SLX4: variants seen among roughly 807,000 people sequenced by gnomAD.
The protein encoded by SLX4 is structure-specific endonuclease subunit SLX4.
Under a neutral mutation model 146.2 loss-of-function variants are expected in SLX4, and 112 were observed. That is an observed-to-expected ratio of 0.77 (90% CI 0.66 to 0.90). The LOEUF (loss-of-function observed/expected upper bound fraction) is 0.90, where lower values mean the gene tolerates loss of function less well. Ranked by LOEUF, SLX4 falls within the 40% of genes least tolerant of loss-of-function variation. The pLI is 0.00. For synonymous variants in SLX4, 1,061 were observed against 997.7 expected (o/e 1.06, Z -1.20); for missense variants, 2,563 against 2,392.7 (o/e 1.07, Z -1.49).
Position 3,596,064 on chromosome 16 carries a change from C to A in SLX4, c.1924+89G>T, listed in dbSNP as rs983487424. On this transcript the variant is annotated intron_variant, in intron 8 of 14. Coordinates refer to ENST00000294008, the MANE Select transcript of SLX4 (RefSeq NM_032444.4). ...CAGGTCAGAGCTGCCGTCGCGGCGG[C>A]ACAAGAGCCAGTCCATGGCAGCCTC... The A allele has an allele frequency of 8.7e-6, 13 of 1,488,696 alleles. No individual in the cohort carries two copies. The African/African-American group carries it at 1.7e-4, about 19-fold the overall frequency. 92.2% of individuals were successfully genotyped at this position (1,488,696 alleles called of 1,614,324 possible).
chr16:3,596,450 T>C, intron 7 of SLX4, 57 bp from the exon 8 acceptor site: 18 of 1,527,758 alleles, frequency 1.2e-5, no homozygotes, highest in Non-Finnish European at 1.6e-5. Context: ...ACGCACACAC[T>C]GCAGAAGCCA....
At chr16:3,588,319 G>A (rs1399822126) in intron 12 of SLX4, among the ~76,000 whole-genome samples, 1 of 152,196 alleles carries the variant, frequency 6.6e-6, no homozygotes, top group Non-Finnish European at 1.5e-5. Flanking sequence ...ATCCATGAGT[G>A]CAGACAGTAC....
rs2040439320 is a variant in SLX4, at chr16:3,581,840, T to C, written c.*502A>G. The C allele has an allele frequency of 5.7e-6, 1 of 174,768 alleles. No homozygotes were observed. The allele number at this position is 174,768 out of a possible 1,614,324, so 10.8% of individuals were successfully genotyped here. The stretch of plus-strand genomic sequence containing the variant: ...GGCGGATTGCCTGAGCTCTGGAGTT[T>C]GTGACCAGCCTGAGCAACATGGTGA... On this transcript the variant is annotated 3_prime_UTR_variant, in exon 15 of 15. Coordinates refer to ENST00000294008, the MANE Select transcript of SLX4 (RefSeq NM_032444.4).
At chr16:3,584,915 G>A (rs373299451) in intron 12 of SLX4, 44 bp from the exon 13 acceptor site, 21 of 1,338,446 alleles carry the variant, frequency 1.6e-5, no homozygotes, top group Admixed American at 5.0e-5. Context: ...TGAGGGACAC[G>A]GATTTCCCAC....
chr16:3,596,281 C>T lies in SLX4; in HGVS notation c.1796G>A (p.Gly599Asp). ...CCTCTGGCTGGCCGAAGGCGACGGG[C>T]CCCTGGAGCCACAGCCTGCAGTGGG... ...GTPTAGCGSR[G>D]PSPSASQREH... Residue 599 changes from glycine (G) to aspartate (D), a missense_variant, in exon 8 of 15, where the codon GGC (glycine) becomes GAC (aspartate). By Grantham distance (94) the Gly-to-Asp change is moderately conservative. Transcript: ENST00000294008. The T allele has an allele frequency of 1.3e-6, 2 of 1,568,240 alleles. No individual in the cohort carries two copies. Among genetic ancestry groups the T allele is most frequent in the Non-Finnish European group, 1.7e-6 (2 of 1,157,610 alleles).
At position 3,597,965 on chromosome 16, in the gene SLX4, C is replaced by T. The variant is rs777669744; in HGVS notation, c.1198G>A (p.Gly400Arg). The change falls in exon 6 of 15, where the codon GGA becomes AGA. Residue 400 changes from glycine to arginine, a missense_variant. By Grantham distance (125) the Gly-to-Arg change is moderately radical (BLOSUM62 -2). Coordinates refer to ENST00000294008, the MANE Select transcript of SLX4 (RefSeq NM_032444.4). This position sits in a 1 kb window ranked among gnomAD's most constrained non-coding sequence, Gnocchi z 4.4. ...CGTGGCTCCTTCTTGCTGGTGGGTCCTCTCCGTTTCAGACCTCTACTGTGA... is the reference window on the plus strand; with the variant it reads ...CGTGGCTCCTTCTTGCTGGTGGGTCTTCTCCGTTTCAGACCTCTACTGTGA... Reference protein sequence around the residue: ...SDHSRGLKRRGPTSKKEPRKR... With the variant: ...SDHSRGLKRRRPTSKKEPRKR... The T allele has an allele frequency of 1.9e-6, 3 of 1,614,168 alleles. No homozygotes were observed. The highest frequency in any genetic ancestry group is 2.5e-6 in the Non-Finnish European group (3 of 1,180,046).
At chr16:3,601,387 C>A (rs913487889) in intron 4 of SLX4, 196 bp from the exon 5 acceptor site, 3 of 622,532 alleles carry the variant, frequency 4.8e-6, no homozygotes, top group Non-Finnish European at 8.6e-6. Context: ...GCAAAGTTGG[C>A]TAAAGAAAGC....
intron 2 of SLX4, 47 bp downstream of exon 2, chr16:3,608,383 C>T (rs944506895): frequency 1.2e-6 from 2 of 1,608,294 alleles, no homozygotes; most frequent in African/African-American, 2.7e-5. Context: ...CGATCTGGCC[C>T]TTTCCAGGAA....
intron 3 of SLX4, 45 bp downstream of exon 3, chr16:3,606,429 T>C: frequency 6.3e-7 from 1 of 1,595,844 alleles, no homozygotes; most frequent in Admixed American, 1.7e-5. Flanking sequence ...CTCAGAGTTG[T>C]ATTAACTTAT....
At chr16:3,605,470 G>C (rs1397110045) in intron 3 of SLX4, among the ~76,000 whole-genome samples, 1 of 151,982 alleles carries the variant, frequency 6.6e-6, no homozygotes, top group Non-Finnish European at 1.5e-5. Context: ...TAGTCCTCCT[G>C]CCTTGGCCTC....
rs777527362 is a variant in SLX4, at chr16:3,591,027, C to T, written c.2611G>A (p.Ala871Thr). The T allele has an allele frequency of 6.2e-7, 1 of 1,614,212 alleles. No homozygotes were observed. Among genetic ancestry groups the T allele is most frequent in the South Asian group, 1.1e-5 (1 of 91,088 alleles). ...QRKLLQEERAAGAGEDADWLE... is the reference protein window; with the variant it reads ...QRKLLQEERATGAGEDADWLE... ...CAGTCAGCGTCCTCGCCGGCACCCG[C>T]TGCCCTTTCTTCCTGGAGAAGCTTT... is the stretch of plus-strand genomic sequence containing the variant. Residue 871 changes from alanine (A) to threonine (T), a missense_variant, in exon 12 of 15, where the codon GCG (alanine) becomes ACG (threonine). Coordinates refer to ENST00000294008, the MANE Select transcript of SLX4 (RefSeq NM_032444.4).
In SLX4 at chr16:3,590,008, G is replaced by A. The variant is rs1567169951; in HGVS notation, c.3630C>T (p.Ser1210=). Residue 1210 remains serine, a synonymous_variant, in exon 12 of 15, where the codon AGC becomes AGT. Coordinates refer to ENST00000294008, the MANE Select transcript of SLX4 (RefSeq NM_032444.4). The surrounding 1 kb of genome is among the most constrained non-coding windows in gnomAD (Gnocchi z 4.8). The part of the protein sequence containing the change: ...DQEPSQSPPR[S]EAVLQQEDEG... Reference sequence around the variant, plus strand: ...CATCCTCCTGCTGCAGCACAGCTTCGCTTCTTGGTGGGCTCTGGGAAGGTT... The same window carrying A: ...CATCCTCCTGCTGCAGCACAGCTTCACTTCTTGGTGGGCTCTGGGAAGGTT... 6.2e-6 allele frequency: 10 copies of A among 1,614,076 alleles called. No homozygotes were observed. Among genetic ancestry groups the A allele is most frequent in the South Asian group, 4.4e-5 (4 of 91,082 alleles).
rs750340019 is a variant in SLX4 at position 3,582,401 on chromosome 16, C to T, written c.5446G>A (p.Glu1816Lys). The part of the protein sequence containing the change: ...ITFTTAATRR[E>K]KLQGRRRQPR... The stretch of plus-strand genomic sequence containing the variant: ...TGCCGCCTCCTGCCCTGGAGCTTCT[C>T]CCTGCGGGTGGCGGCAGTGGTGAAG... The change falls in exon 15 of 15, where the codon GAG becomes AAG. Residue 1816 changes from glutamate (E) to lysine (K), a missense_variant. Transcript: ENST00000294008. 3.1e-6 allele frequency: 5 copies of T among 1,613,946 alleles called. No individual in the cohort carries two copies. The highest frequency in any genetic ancestry group is 1.7e-5 in the Admixed American group (1 of 60,032).
rs1156859426 is a variant in SLX4 at position 3,608,731 on chromosome 16, C to A, written c.234G>T (p.Lys78Asn). The A allele has an allele frequency of 1.2e-5, 20 of 1,614,218 alleles. No individual in the cohort carries two copies. The highest frequency in any genetic ancestry group is 1.7e-5 in the Non-Finnish European group (20 of 1,180,048). ...TTATCTGAGTGCCGTTTGAGGCAGC[C>A]TTTTGTGTCTTCCTTTCTCCTGACA... ...KEVSGERKTQ[K>N]AASNGTQIRS... Residue 78 changes from lysine (K) to asparagine (N), a missense_variant, in exon 2 of 15, where the codon AAG becomes AAT. Lys to Asn is a moderately conservative substitution (Grantham distance 94, BLOSUM62 0). Transcript: ENST00000294008.
intron 5 of SLX4, among the ~76,000 whole-genome samples, chr16:3,600,003 C>A (rs144855253): frequency 3.0e-3 from 462 of 152,310 alleles, no homozygotes; most frequent in Non-Finnish European, 4.1e-3. Flanking sequence ...AAGTGACTAC[C>A]AAATTCTTAG....
intron 8 of SLX4, among the ~76,000 whole-genome samples, 156 bp downstream of exon 8, chr16:3,595,997 T>A (rs1447522011): frequency 6.6e-6 from 1 of 152,140 alleles, no homozygotes; most frequent in Non-Finnish European, 1.5e-5. Context: ...CATTGACCTT[T>A]GAGAAAAAAT....
intron 12 of SLX4, among the ~76,000 whole-genome samples, chr16:3,585,361 C>G (rs967196431): frequency 1.3e-5 from 2 of 151,936 alleles, no homozygotes; most frequent in Non-Finnish European, 2.9e-5. Flanking sequence ...CCGAGGTGGG[C>G]GGATCACGAG....
chr16:3,608,254 T>C (rs1160446742), intron 2 of SLX4, among the ~76,000 whole-genome samples, 176 bp downstream of exon 2: 1 of 152,230 alleles, frequency 6.6e-6, no homozygotes, highest in Non-Finnish European at 1.5e-5. Flanking sequence ...AAATAAAGTT[T>C]TACTGGCATA....
intron 5 of SLX4, chr16:3,600,522 G>A (rs921587212): frequency 1.4e-4 from 29 of 202,220 alleles, no homozygotes; most frequent in African/African-American, 2.7e-4. Context: ...GACTGTGCCC[G>A]ATTTCCGCCC....
Sources: gnomAD v4.1 joint callset for allele counts (sites outside exome capture counted in the v4.1 genomes callset) on GRCh38, gnomAD v4.1.1 for gene constraint, Gnocchi (gnomAD v3.1) non-coding constraint, MANE v1.5 for transcripts, NCBI Gene and HGNC (gene_info 2026-07-23, HGNC 2026-07-21) for gene names.